The following ITPR1 variants were observed in gnomAD, a reference collection of about 807,000 sequenced individuals.
ITPR1 encodes inositol 1,4,5-trisphosphate-gated calcium channel ITPR1.
A neutral mutation model predicts 318.4 loss-of-function variants in ITPR1; 96 were observed. That is an observed-to-expected ratio of 0.30 (90% CI 0.26 to 0.36). The LOEUF is 0.36. Ranked by LOEUF, ITPR1 falls within the 10% of genes least tolerant of loss-of-function variation. ITPR1 has a pLI of 1.00. For missense variants in ITPR1, 2,440 were observed against 3,460.2 expected, an observed-to-expected ratio of 0.71 and a Z score of 7.40; for synonymous variants, 1,312 against 1,289.9, an observed-to-expected ratio of 1.02 and a Z score of -0.37.
In ITPR1 at chr3:4,536,936, A is replaced by C. The variant is rs532295886; in HGVS notation, c.163+15842A>C. Reference sequence around the variant, plus strand: ...TTTGGATGATAGCTTAAACTAACCTAAACAAAAGGGGGATTTTTTGGGGTC... The same window carrying C: ...TTTGGATGATAGCTTAAACTAACCTCAACAAAAGGGGGATTTTTTGGGGTC... On this transcript the variant is annotated intron_variant, in intron 4 of 61. Coordinates refer to ENST00000649015, the MANE Select transcript of ITPR1 (RefSeq NM_001378452.1). Among the ~76,000 whole-genome samples, 24 of 145,096 alleles carry C rather than the reference A, an allele frequency of 1.7e-4. 1 individual carries two copies. The East Asian group carries it at 2.9e-3, about 18-fold the overall frequency.
In ITPR1 at chr3:4,645,607, C is replaced by A; in HGVS notation, c.734C>A (p.Ala245Asp). The change falls in exon 10 of 62, where the codon GCT becomes GAT. Residue 245 changes from alanine (A) to aspartate (D), a missense_variant. Physicochemically the swap from Ala to Asp is moderately radical, Grantham distance 126 (BLOSUM62 -2). Transcript: ENST00000649015. Reference protein sequence around the residue: ...KGGDVVRLFHAEQEKFLTCDE... With the variant: ...KGGDVVRLFHDEQEKFLTCDE... ...GGTGACGTGGTGAGGCTGTTTCATGCTGAGCAGGAGAAGTTTCTCACCTGT... is the reference window on the plus strand; with the variant it reads ...GGTGACGTGGTGAGGCTGTTTCATGATGAGCAGGAGAAGTTTCTCACCTGT... The A allele has an allele frequency of 6.2e-7, 1 of 1,613,456 alleles. No individual in the cohort carries two copies. Among genetic ancestry groups the A allele is most frequent in the Admixed American group, 1.7e-5 (1 of 59,958 alleles).
intron 4 of ITPR1, among the ~76,000 whole-genome samples, chr3:4,602,127 C>T (rs2091333018): frequency 6.6e-6 from 1 of 152,152 alleles, no homozygotes; most frequent in South Asian, 2.1e-4. Context: ...AAAAGTTAGG[C>T]AATTCCTCAA....
rs779299849 is a variant in ITPR1, at chr3:4,703,026, G to A, written c.4657+76G>A. Reference sequence around the variant, plus strand: ...CAGTAGTAAGGCTGCCATTTATTGAGCACTCATTACAACTCTTCTAAAGTT... The same window carrying A: ...CAGTAGTAAGGCTGCCATTTATTGAACACTCATTACAACTCTTCTAAAGTT... On this transcript the variant is annotated intron_variant, in intron 36 of 61. Transcript: ENST00000649015. The A allele has an allele frequency of 3.0e-4, 458 of 1,507,652 alleles. 1 individual carries two copies. The highest frequency in any genetic ancestry group is 5.2e-4 in the Middle Eastern group (3 of 5,782). The allele number at this position is 1,507,652 out of a possible 1,614,324, so 93.4% of individuals were successfully genotyped here. A position where few individuals can be genotyped will look rare whatever the true frequency, so the allele number is the denominator to read the frequency against.
chr3:4,663,579 T>C (rs1402694976), intron 16 of ITPR1, among the ~76,000 whole-genome samples: 1 of 152,188 alleles, frequency 6.6e-6, no homozygotes, highest in East Asian at 1.9e-4. Flanking sequence ...CTCACACACT[T>C]GGCCTCCCCC....
chr3:4,696,662 C>T (rs2094562475), intron 33 of ITPR1, among the ~76,000 whole-genome samples: 1 of 144,332 alleles, frequency 6.9e-6, no homozygotes. Context: ...AAGTTGAGCC[C>T]CTTGCCGTGT....
intron 4 of ITPR1, among the ~76,000 whole-genome samples, chr3:4,581,624 C>T (rs1226632109): frequency 6.6e-6 from 1 of 152,190 alleles, no homozygotes; most frequent in African/African-American, 2.4e-5. Context: ...GTGCAGACTC[C>T]ACTGTATAAA....
intron 40 of ITPR1, among the ~76,000 whole-genome samples, chr3:4,722,298 C>G (rs547576745): frequency 6.6e-6 from 1 of 152,308 alleles, no homozygotes; most frequent in East Asian, 1.9e-4. Flanking sequence ...CATCAGATCA[C>G]TATGAATCGC....
intron 60 of ITPR1, among the ~76,000 whole-genome samples, 163 bp from the exon 61 acceptor site, chr3:4,836,611 C>A (rs752521001): frequency 5.3e-5 from 8 of 151,798 alleles, no homozygotes; most frequent in Non-Finnish European, 7.4e-5. Flanking sequence ...AAGATAGCTA[C>A]TGAGCAATTA....
intron 50 of ITPR1, 55 bp from the exon 51 acceptor site, chr3:4,783,761 G>C: frequency 7.7e-7 from 1 of 1,300,630 alleles, no homozygotes; most frequent in Non-Finnish European, 1.1e-6. Context: ...AGGAGTTTCT[G>C]TGTTCCTGTT....
chr3:4,784,485 T>G (rs1346495450), intron 51 of ITPR1, among the ~76,000 whole-genome samples: 3 of 151,662 alleles, frequency 2.0e-5, no homozygotes, highest in Non-Finnish European at 4.4e-5. Flanking sequence ...TTATGAGAAG[T>G]CTGGGCTGCA....
chr3:4,783,731 T>C, intron 50 of ITPR1, 85 bp from the exon 51 acceptor site: 3 of 1,107,180 alleles, frequency 2.7e-6, no homozygotes, highest in Non-Finnish European at 2.7e-6. Context: ...TTATGCATTT[T>C]TAAATACCCA....
Position 4,641,241 on chromosome 3 carries a change from G to A in ITPR1, c.367-852G>A, listed in dbSNP as rs919227117. Among the ~76,000 whole-genome samples the A allele has an allele frequency of 3.2e-4, 48 of 152,244 alleles. 2 individuals carry two copies. The highest frequency in any genetic ancestry group is 2.1e-3 in the Admixed American group (32 of 15,298). On this transcript the variant is annotated intron_variant, in intron 6 of 61. Transcript: ENST00000649015. ...CTGGTCTAGACTGACTATCAGACACGTTATATCCCCTCTAGGTCTTCAGTC... is the reference window on the plus strand; with the variant it reads ...CTGGTCTAGACTGACTATCAGACACATTATATCCCCTCTAGGTCTTCAGTC...
intron 30 of ITPR1, among the ~76,000 whole-genome samples, chr3:4,687,207 T>G (rs2094409185): frequency 1.3e-5 from 2 of 152,246 alleles, no homozygotes; most frequent in Non-Finnish European, 2.9e-5. Flanking sequence ...ATGTCCTTGA[T>G]ACTCCCTCTC....
At chr3:4,601,487 G>A (rs1575670823) in intron 4 of ITPR1, among the ~76,000 whole-genome samples, 1 of 139,920 alleles carries the variant, frequency 7.1e-6, no homozygotes, top group Non-Finnish European at 1.5e-5. Context: ...GCAATGGAGT[G>A]AGACCCTGTC....
intron 24 of ITPR1, among the ~76,000 whole-genome samples, chr3:4,678,393 T>C (rs573928502): frequency 2.0e-5 from 3 of 152,186 alleles, no homozygotes; most frequent in Non-Finnish European, 4.4e-5. Context: ...TGGACGTTTA[T>C]CAGAAACGAC....
chr3:4,675,317 A>G, intron 23 of ITPR1, 69 bp downstream of exon 23: 7 of 1,080,488 alleles, frequency 6.5e-6, no homozygotes, highest in Non-Finnish European at 9.4e-6. Flanking sequence ...CTCATGTCAT[A>G]CCCTATATGT....
intron 50 of ITPR1, among the ~76,000 whole-genome samples, chr3:4,783,388 A>G (rs897886917): frequency 3.9e-5 from 6 of 152,144 alleles, no homozygotes; most frequent in African/African-American, 1.4e-4. Flanking sequence ...CAGATACACA[A>G]CAATGATGAT....
intron 4 of ITPR1, among the ~76,000 whole-genome samples, chr3:4,619,827 T>C (rs1190444286): frequency 2.6e-5 from 3 of 116,494 alleles, no homozygotes; most frequent in African/African-American, 6.5e-5. Context: ...CCTCCCCTCC[T>C]CTCCCCTCTC....
At chr3:4,557,827 G>A (rs868398758) in intron 4 of ITPR1, among the ~76,000 whole-genome samples, 16 of 152,098 alleles carry the variant, frequency 1.1e-4, no homozygotes, top group South Asian at 2.1e-4. Context: ...TGTAATTAGA[G>A]TTTCATGTGG....
Sources: gnomAD v4.1 joint callset for allele counts (sites outside exome capture counted in the v4.1 genomes callset) on GRCh38, gnomAD v4.1.1 for gene constraint, MANE v1.5 for transcripts, NCBI Gene and HGNC (gene_info 2026-07-23, HGNC 2026-07-21) for gene names.